Variants in SORBS2 observed in about 807,000 individuals in gnomAD.
The protein encoded by SORBS2 is sorbin and SH3 domain containing 2, also known as sorbin and SH3 domain-containing protein 2.
SORBS2 carries 46 observed loss-of-function variants against 97.7 expected under a neutral mutation model. The ratio of observed to expected loss-of-function variants is 0.47; its 90% confidence interval spans 0.37 to 0.60. SORBS2 has a LOEUF of 0.60. Ranked by LOEUF, SORBS2 falls within the 20% of genes least tolerant of loss-of-function variation. SORBS2 has a pLI of 0.00. For synonymous variants in SORBS2, 476 were observed against 473.4 expected (o/e 1.01, Z -0.07); for missense variants, 1,316 against 1,282.3 (o/e 1.03, Z -0.40).
At chr4:185,906,968 ATAAAAT>A (rs1231296038) in intron 1 of SORBS2, among the ~76,000 whole-genome samples, 2 of 152,108 alleles carry the variant, frequency 1.3e-5, no homozygotes, top group Non-Finnish European at 2.9e-5. Context: ...TCTACTAAAA[ATAAAAT>A]TAAAAAAAGA....
At chr4:185,676,551 C>A (rs1360164338) in intron 4 of SORBS2, among the ~76,000 whole-genome samples, 1 of 152,170 alleles carries the variant, frequency 6.6e-6, no homozygotes, top group Non-Finnish European at 1.5e-5. Context: ...ATTAAGATAA[C>A]TATTCCCTGC....
chr4:185,734,839 G>A (rs1331496832), intron 2 of SORBS2, among the ~76,000 whole-genome samples: 1 of 152,228 alleles, frequency 6.6e-6, no homozygotes, highest in African/African-American at 2.4e-5. Context: ...GTGCAAGGAA[G>A]CCTCTTCAGG....
chr4:185,752,755 A>G (rs2098808961), intron 2 of SORBS2, among the ~76,000 whole-genome samples: 1 of 152,238 alleles, frequency 6.6e-6, no homozygotes, highest in African/African-American at 2.4e-5. Context: ...AAGAAGCGAC[A>G]ACTTAATGAA....
At chr4:185,690,083 T>C (rs1399702380) in intron 2 of SORBS2, among the ~76,000 whole-genome samples, 4 of 152,216 alleles carry the variant, frequency 2.6e-5, no homozygotes, top group African/African-American at 9.6e-5. Flanking sequence ...CATCTACACA[T>C]ATAATGCTTA....
At chr4:185,706,643 T>C (rs1411531495) in intron 2 of SORBS2, among the ~76,000 whole-genome samples, 1 of 152,188 alleles carries the variant, frequency 6.6e-6, no homozygotes, top group Admixed American at 6.5e-5. Flanking sequence ...ATAACATCCC[T>C]CAGCTCCATG....
intron 1 of SORBS2, among the ~76,000 whole-genome samples, chr4:185,852,785 C>CTGGGAAGAGTTGGCACACAATGTTTT: frequency 6.6e-6 from 1 of 152,244 alleles, no homozygotes; most frequent in East Asian, 1.9e-4. Flanking sequence ...ACCATGGTGT[C>CTGGGAAGAGTTGGCACACAATGTTTT]TGGGAAGAGT....
chr4:185,751,489 A>G (rs1443356274), intron 2 of SORBS2, among the ~76,000 whole-genome samples: 7 of 152,154 alleles, frequency 4.6e-5, no homozygotes, highest in Non-Finnish European at 8.8e-5. Flanking sequence ...TCCTTAGGCA[A>G]AGGCAACCTC....
chr4:185,665,764 C>T (rs998960405), intron 4 of SORBS2: 7 of 1,046,658 alleles, frequency 6.7e-6, no homozygotes, highest in Non-Finnish European at 8.1e-6. Context: ...TAAGGTGGTG[C>T]CATCTGTCAC....
At chr4:185,609,468 C>T (rs1296132669) in intron 12 of SORBS2, among the ~76,000 whole-genome samples, 1 of 152,220 alleles carries the variant, frequency 6.6e-6, no homozygotes, top group Non-Finnish European at 1.5e-5. Context: ...CCACCACAGT[C>T]ACCGAAATAC....
At chr4:185,823,760 T>A (rs2099198181) in intron 1 of SORBS2, among the ~76,000 whole-genome samples, 1 of 152,304 alleles carries the variant, frequency 6.6e-6, no homozygotes, top group East Asian at 1.9e-4. Context: ...AAGAACAGAA[T>A]AAATTGGGCA....
chr4:185,678,295 A>G (rs1450214798), intron 4 of SORBS2, 128 bp downstream of exon 7: 5 of 830,874 alleles, frequency 6.0e-6, no homozygotes, highest in Non-Finnish European at 6.8e-6. Context: ...CAAGCAAACT[A>G]AATACAAAAG....
chr4:185,678,608 T>C (rs2097829499), intron 3 of SORBS2, 61 bp from the exon 7 acceptor site: 1 of 1,445,768 alleles, frequency 6.9e-7, no homozygotes, highest in East Asian at 2.5e-5. Context: ...ACATTTTTTA[T>C]AAAATTTATT....
At chr4:185,817,654 T>C (rs1304941797) in intron 1 of SORBS2, among the ~76,000 whole-genome samples, 1 of 152,194 alleles carries the variant, frequency 6.6e-6, no homozygotes, top group Non-Finnish European at 1.5e-5. Flanking sequence ...GTTGAATTAG[T>C]AACGAAACGC....
intron 1 of SORBS2, among the ~76,000 whole-genome samples, chr4:185,886,882 C>T (rs2149791972): frequency 6.6e-6 from 1 of 152,284 alleles, no homozygotes; most frequent in Non-Finnish European, 1.5e-5. Context: ...GTTTGGTTTG[C>T]CCCAAAGGGT....
chr4:185,823,926 G>C (rs1048683620), intron 1 of SORBS2, among the ~76,000 whole-genome samples: 1 of 152,180 alleles, frequency 6.6e-6, no homozygotes, highest in Non-Finnish European at 1.5e-5. Flanking sequence ...AAGCTACTAA[G>C]GGAAGTCACC....
In SORBS2 at chr4:185,626,825, T is replaced by A. The variant is rs1376697096; in HGVS notation, c.634+7A>T. On this transcript the variant is annotated splice_region_variant and intron_variant, in intron 6 of 14. Transcript: ENST00000418609. Reference sequence around the variant, plus strand: ...TAAATTGTTGTGTTTTCATTTACTATGCTCACCTTTTGCTCTTGATGGGGA... The same window carrying A: ...TAAATTGTTGTGTTTTCATTTACTAAGCTCACCTTTTGCTCTTGATGGGGA... 1.2e-6 allele frequency: 2 copies of A among 1,613,760 alleles called. No homozygotes were observed. Among genetic ancestry groups the A allele is most frequent in the Non-Finnish European group, 1.7e-6 (2 of 1,179,588 alleles).
chr4:185,665,930 T>G (rs1383709497), intron 4 of SORBS2: 1 of 1,221,608 alleles, frequency 8.2e-7, no homozygotes, highest in African/African-American at 1.6e-5. Flanking sequence ...AGAGAGCCTG[T>G]GTCGTGGCTG....
intron 2 of SORBS2, among the ~76,000 whole-genome samples, chr4:185,704,259 AT>A (rs1306784403): frequency 1.3e-5 from 2 of 151,824 alleles, no homozygotes; most frequent in African/African-American, 4.8e-5. Context: ...ACCTCACCCC[AT>A]TTTTCCAGTA....
At chr4:185,908,114 T>A (rs1015950645) in intron 1 of SORBS2, among the ~76,000 whole-genome samples, 82 of 151,694 alleles carry the variant, frequency 5.4e-4, no homozygotes, top group African/African-American at 1.7e-3. Context: ...TTGCTTTTGC[T>A]TTCTTCTTCT....
Sources: gnomAD v4.1 joint callset for allele counts (sites outside exome capture counted in the v4.1 genomes callset) on GRCh38, gnomAD v4.1.1 for gene constraint, MANE v1.5 for transcripts, NCBI Gene and HGNC (gene_info 2026-07-23, HGNC 2026-07-21) for gene names.